BANP: variants seen among roughly 807,000 people sequenced by gnomAD.
The protein encoded by BANP is BTG3 associated nuclear protein.
BANP carries 11 observed loss-of-function variants against 68.1 expected under a neutral mutation model. The observed-to-expected ratio is 0.16, with a 90% CI of 0.10 to 0.27. The LOEUF (loss-of-function observed/expected upper bound fraction) is 0.27. BANP is among the 10% of genes least tolerant of loss of function. The pLI is 1.00. For missense variants in BANP, 504 were observed against 722.7 expected (o/e 0.70, Z 3.47); for synonymous variants, 329 against 303.2 (o/e 1.09, Z -0.88).
At chr16:87,990,630 C>T (rs1392435052) in intron 4 of BANP, among the ~76,000 whole-genome samples, 2 of 152,286 alleles carry the variant, frequency 1.3e-5, no homozygotes, top group South Asian at 2.1e-4. Context: ...GGTTTGGTCT[C>T]ACCTAAGATG....
intron 11 of BANP, among the ~76,000 whole-genome samples, chr16:88,052,939 A>G (rs1049564016): frequency 1.3e-5 from 2 of 151,174 alleles, no homozygotes; most frequent in East Asian, 2.0e-4. Flanking sequence ...AACCACTACC[A>G]TCACCACCTT....
intron 11 of BANP, among the ~76,000 whole-genome samples, chr16:88,042,468 C>T (rs2081067902): frequency 6.6e-6 from 1 of 152,324 alleles, no homozygotes; most frequent in East Asian, 1.9e-4. Context: ...GCCATGATGA[C>T]CAGTTTCCAC....
At chr16:88,058,012 G>A (rs1423896753) in intron 11 of BANP, among the ~76,000 whole-genome samples, 2 of 152,192 alleles carry the variant, frequency 1.3e-5, no homozygotes, top group Non-Finnish European at 2.9e-5. Flanking sequence ...AGTTACACGG[G>A]AAGAAAGGGT....
intron 7 of BANP, among the ~76,000 whole-genome samples, chr16:88,022,227 A>G (rs554827402): frequency 2.0e-5 from 3 of 152,316 alleles, no homozygotes; most frequent in East Asian, 1.9e-4. Flanking sequence ...TAGGATTTCT[A>G]TCCACGGCTC....
chr16:87,980,942 C>T (rs2063138464), intron 2 of BANP, 94 bp from the exon 3 acceptor site: 2 of 811,950 alleles, frequency 2.5e-6, no homozygotes, highest in Non-Finnish European at 2.1e-6. Flanking sequence ...CTCCTTCAAC[C>T]TTAAGGTGTC....
intron 11 of BANP, among the ~76,000 whole-genome samples, chr16:88,043,985 T>A (rs1235376143): frequency 2.6e-5 from 4 of 152,222 alleles, no homozygotes; most frequent in Admixed American, 2.0e-4. Flanking sequence ...ATGGTTTTTT[T>A]ATGAGGTCAT....
chr16:87,962,891 A>G (rs1334285975), intron 1 of BANP, among the ~76,000 whole-genome samples: 1 of 152,172 alleles, frequency 6.6e-6, no homozygotes, highest in Non-Finnish European at 1.5e-5. Context: ...ACTTCTTCAC[A>G]TGTCTCAGTT....
At chr16:88,042,993 C>T (rs1325169005) in intron 11 of BANP, among the ~76,000 whole-genome samples, 1 of 152,204 alleles carries the variant, frequency 6.6e-6, no homozygotes, top group Non-Finnish European at 1.5e-5. Context: ...ACCACTTTGG[C>T]TGGTTTCAAA....
At chr16:87,968,346 T>A (rs2060475804) in intron 1 of BANP, among the ~76,000 whole-genome samples, 2 of 151,992 alleles carry the variant, frequency 1.3e-5, no homozygotes, top group Non-Finnish European at 2.9e-5. Flanking sequence ...TAGCCGGGCA[T>A]GGTGGTGTGC....
chr16:88,005,465 T>C (rs1011485070), intron 5 of BANP, among the ~76,000 whole-genome samples: 1 of 152,210 alleles, frequency 6.6e-6, no homozygotes, highest in Non-Finnish European at 1.5e-5. Context: ...AAAAGGGAAG[T>C]AGTAAGTCTC....
intron 13 of BANP, among the ~76,000 whole-genome samples, chr16:88,076,073 G>A (rs1226379932): frequency 6.6e-6 from 1 of 152,204 alleles, no homozygotes; most frequent in Non-Finnish European, 1.5e-5. Flanking sequence ...AGATAAAGCT[G>A]TGATTTCGTA....
At position 88,027,613 on chromosome 16, in the gene BANP, G is replaced by C. The variant is rs942394796; in HGVS notation, c.1026G>C (p.Ser342=). The change falls in exon 8 of 14, where the codon TCG becomes TCC. Residue 342 remains serine, a synonymous_variant. Coordinates refer to ENST00000682872, the MANE Select transcript of BANP (RefSeq NM_001386991.1). The stretch of plus-strand genomic sequence containing the variant: ...AGAGCCTGGCGGTCAAGAGCTTCTC[G>C]CGGAGAACGCCCAACTCGTCCTCCT... ...RGQSLAVKSF[S]RRTPNSSSYC... 3 of 1,613,674 alleles carry C rather than the reference G, an allele frequency of 1.9e-6. No homozygotes were observed. The highest frequency in any genetic ancestry group is 1.3e-5 in the African/African-American group (1 of 74,940).
At chr16:88,052,944 C>G (rs2083639957) in intron 11 of BANP, among the ~76,000 whole-genome samples, 1 of 151,494 alleles carries the variant, frequency 6.6e-6, no homozygotes, top group Non-Finnish European at 1.5e-5. Flanking sequence ...CTACCATCAC[C>G]ACCTTCACCA....
At chr16:88,066,861 G>C (rs1567928431) in intron 12 of BANP, among the ~76,000 whole-genome samples, 1 of 152,182 alleles carries the variant, frequency 6.6e-6, no homozygotes, top group Non-Finnish European at 1.5e-5. Context: ...GAGACTTGAG[G>C]GTCTCCCAGG....
chr16:88,019,071 C>T (rs933288413), intron 7 of BANP, among the ~76,000 whole-genome samples: 1 of 152,214 alleles, frequency 6.6e-6, no homozygotes, highest in Admixed American at 6.5e-5. Flanking sequence ...CCACCTGCCT[C>T]CTTCCTTCTG....
chr16:87,961,805 C>T (rs998309899), intron 1 of BANP, among the ~76,000 whole-genome samples: 1 of 152,116 alleles, frequency 6.6e-6, no homozygotes, highest in Admixed American at 6.6e-5. Flanking sequence ...AATGGGCTCT[C>T]CTCGTGGTGG....
chr16:88,067,735 G>T (rs2047933645), intron 12 of BANP, among the ~76,000 whole-genome samples: 1 of 152,082 alleles, frequency 6.6e-6, no homozygotes, highest in Non-Finnish European at 1.5e-5. Flanking sequence ...GGCTGCCCCA[G>T]TCCTGGTCCT....
intron 8 of BANP, among the ~76,000 whole-genome samples, chr16:88,029,916 G>T (rs1308918416): frequency 6.6e-6 from 1 of 152,180 alleles, no homozygotes; most frequent in Non-Finnish European, 1.5e-5. Flanking sequence ...GTTACACGGG[G>T]GCCTTCTTGG....
At chr16:87,980,477 C>G (rs185380019) in intron 2 of BANP, 2 of 153,404 alleles carry the variant, frequency 1.3e-5, no homozygotes, top group African/African-American at 4.8e-5. Flanking sequence ...GATCACCTGA[C>G]GCTTGCTGTG....
Sources: allele counts gnomAD v4.1 joint callset (sites outside exome capture counted in the v4.1 genomes callset), GRCh38; gene constraint gnomAD v4.1.1; transcripts MANE v1.5; gene names NCBI Gene and HGNC (gene_info 2026-07-23, HGNC 2026-07-21).